ANKMY2: variants seen among roughly 807,000 people sequenced by gnomAD.
The protein encoded by ANKMY2 is ankyrin repeat and MYND domain-containing protein 2.
Under a neutral mutation model 50.4 loss-of-function variants are expected in ANKMY2, and 36 were observed. The observed-to-expected ratio is 0.71, with a 90% confidence interval of 0.55 to 0.94. ANKMY2 has a LOEUF of 0.94. Ranked by LOEUF, ANKMY2 falls within the 40% of genes least tolerant of loss-of-function variation. ANKMY2 has a pLI of 0.00. For synonymous variants in ANKMY2, 187 were observed against 178.8 expected (o/e 1.05, Z -0.36); for missense variants, 565 against 524.0 (o/e 1.08, Z -0.76).
At position 16,600,499 on chromosome 7, in the gene ANKMY2, C is replaced by G. The variant is rs950380760; in HGVS notation, c.*262G>C. 2 of 287,614 alleles carry G rather than the reference C, an allele frequency of 7.0e-6. No homozygotes were observed. Among genetic ancestry groups the G allele is most frequent in the African/African-American group, 4.3e-5 (2 of 46,032 alleles). 17.8% of individuals were successfully genotyped at this position (287,614 alleles called of 1,614,324 possible). On this transcript the variant is annotated 3_prime_UTR_variant, in exon 10 of 10. Coordinates refer to ENST00000306999, the MANE Select transcript of ANKMY2 (RefSeq NM_020319.3). Reference sequence around the variant, plus strand: ...TTTGAAACAATTGCTGGAAAGCCAGCCTCAGAAAGGTAATAGGAATGTTTT... The same window carrying G: ...TTTGAAACAATTGCTGGAAAGCCAGGCTCAGAAAGGTAATAGGAATGTTTT...
Position 16,645,540 on chromosome 7 carries a change from C to T in ANKMY2, c.34G>A (p.Glu12Lys), listed in dbSNP as rs964097445. ...ATGACTTCCAGTAGCTCCTTCTCCT[C>T]CTGGGTCAGCTCGCCTTTCTTTATG... ...VHIKKGELTQ[E>K]EKELLEVIGK... Residue 12 changes from glutamate (E) to lysine (K), a missense_variant, in exon 1 of 10, where the codon GAG becomes AAG. Transcript: ENST00000306999. The T allele has an allele frequency of 1.9e-6, 3 of 1,612,206 alleles. No individual in the cohort carries two copies. In the African/African-American group the frequency reaches 4.0e-5, roughly 22 times the overall value.
chr7:16,625,303 CA>C (rs1781493586), intron 3 of ANKMY2, among the ~76,000 whole-genome samples: 3 of 152,122 alleles, frequency 2.0e-5, no homozygotes, highest in African/African-American at 7.2e-5. Context: ...TCAAGCAATG[CA>C]AAGGCAGTAT....
intron 5 of ANKMY2, among the ~76,000 whole-genome samples, chr7:16,611,896 C>T (rs1486271210): frequency 6.6e-6 from 1 of 152,166 alleles, no homozygotes; most frequent in African/African-American, 2.4e-5. Flanking sequence ...GGACCTGGAC[C>T]CAGGCACATG....
intron 5 of ANKMY2, 80 bp from the exon 6 acceptor site, chr7:16,610,843 T>A: frequency 8.0e-7 from 1 of 1,254,308 alleles, no homozygotes; most frequent in Admixed American, 2.3e-5. Flanking sequence ...TTAGTTGATT[T>A]CAAAAGATTA....
intron 2 of ANKMY2, among the ~76,000 whole-genome samples, chr7:16,632,726 C>T (rs1781606372): frequency 6.6e-6 from 1 of 152,124 alleles, no homozygotes; most frequent in African/African-American, 2.4e-5. Context: ...TTTGCATATG[C>T]AAAATTTTGT....
At chr7:16,644,760 G>T in intron 1 of ANKMY2, 1 of 469,888 alleles carries the variant, frequency 2.1e-6, no homozygotes, top group Non-Finnish European at 4.4e-6. Flanking sequence ...ATGGCTTCTG[G>T]CTCGTCCTCG....
In ANKMY2 at chr7:16,600,624, G is replaced by A; in HGVS notation, c.*137C>T. ...GGGCATGGTCAACAGGGGTTTGCTT[G>A]AAAACCTGTATTCTATGAAATGTGG... is the stretch of plus-strand genomic sequence containing the variant. On this transcript the variant is annotated 3_prime_UTR_variant, in exon 10 of 10. Transcript: ENST00000306999. The A allele has an allele frequency of 1.5e-6, 1 of 652,478 alleles. No homozygotes were observed. Among genetic ancestry groups the A allele is most frequent in the Non-Finnish European group, 2.3e-6 (1 of 442,216 alleles). The allele number at this position is 652,478 out of a possible 1,614,324, so 40.4% of individuals were successfully genotyped here. A position where few individuals can be genotyped will look rare whatever the true frequency, so the allele number is the denominator to read the frequency against.
chr7:16,604,117 T>C (rs907650443), intron 8 of ANKMY2, among the ~76,000 whole-genome samples: 1 of 152,180 alleles, frequency 6.6e-6, no homozygotes, highest in Non-Finnish European at 1.5e-5. Context: ...ATTTCAACCT[T>C]AAAGTCAACA....
intron 2 of ANKMY2, among the ~76,000 whole-genome samples, chr7:16,634,583 T>C (rs540536361): frequency 1.3e-5 from 2 of 152,178 alleles, no homozygotes; most frequent in African/African-American, 4.8e-5. Context: ...GGAGTACTGA[T>C]CAACACACGC....
chr7:16,640,304 C>G (rs1324014375), intron 1 of ANKMY2, among the ~76,000 whole-genome samples: 1 of 152,090 alleles, frequency 6.6e-6, no homozygotes, highest in Admixed American at 6.5e-5. Context: ...CACATATAAG[C>G]CTTTATTAGA....
chr7:16,619,733 A>G (rs1018470863), intron 4 of ANKMY2, among the ~76,000 whole-genome samples: 5 of 152,174 alleles, frequency 3.3e-5, no homozygotes, highest in African/African-American at 1.2e-4. Context: ...TAAATGCTGC[A>G]GGTGGAGAAG....
At chr7:16,630,249 C>A (rs1781564121) in intron 2 of ANKMY2, among the ~76,000 whole-genome samples, 2 of 152,110 alleles carry the variant, frequency 1.3e-5, no homozygotes, top group Admixed American at 6.5e-5. Flanking sequence ...TTTAAAATCT[C>A]CAGAATTTTC....
At chr7:16,615,516 T>A (rs1781330239) in intron 5 of ANKMY2, among the ~76,000 whole-genome samples, 1 of 152,196 alleles carries the variant, frequency 6.6e-6, no homozygotes, top group African/African-American at 2.4e-5. Context: ...CAAACCCATC[T>A]CTTTGCGTGG....
intron 7 of ANKMY2, among the ~76,000 whole-genome samples, chr7:16,609,390 A>G (rs2128342388): frequency 1.3e-5 from 2 of 152,350 alleles, no homozygotes; most frequent in Middle Eastern, 6.8e-3. Context: ...AACCATCTAC[A>G]TTTCAACATA....
intron 1 of ANKMY2, among the ~76,000 whole-genome samples, chr7:16,644,273 A>G (rs192336788): frequency 6.6e-6 from 1 of 152,314 alleles, no homozygotes; most frequent in African/African-American, 2.4e-5. Context: ...CAGTACAACA[A>G]TCTAAACTCT....
chr7:16,605,465 G>C (rs189183103), intron 7 of ANKMY2, among the ~76,000 whole-genome samples: 22 of 152,012 alleles, frequency 1.4e-4, no homozygotes, highest in Middle Eastern at 3.4e-3. Context: ...GTGGGCAATG[G>C]AAAATTAAAA....
At chr7:16,630,453 A>G (rs1412065457) in intron 2 of ANKMY2, among the ~76,000 whole-genome samples, 1 of 152,246 alleles carries the variant, frequency 6.6e-6, no homozygotes. Context: ...ACAAGCTTCT[A>G]CAATTCTTTA....
chr7:16,606,108 C>T (rs527931564), intron 7 of ANKMY2, among the ~76,000 whole-genome samples: 15 of 152,162 alleles, frequency 9.9e-5, no homozygotes, highest in South Asian at 6.2e-4. Context: ...TGAGCCACCG[C>T]GCCTGGCCTA....
intron 1 of ANKMY2, among the ~76,000 whole-genome samples, chr7:16,639,986 C>A (rs990317809): frequency 1.5e-4 from 23 of 151,434 alleles, no homozygotes; most frequent in Non-Finnish European, 2.9e-4. Flanking sequence ...ATGGTGAAAC[C>A]CCATCTCTAC....
Sources: gnomAD v4.1 joint callset for allele counts (sites outside exome capture counted in the v4.1 genomes callset) on GRCh38, gnomAD v4.1.1 for gene constraint, MANE v1.5 for transcripts, NCBI Gene and HGNC (gene_info 2026-07-23, HGNC 2026-07-21) for gene names.